OPCML: variants seen among roughly 807,000 people sequenced by gnomAD.
OPCML encodes the protein opioid-binding protein/cell adhesion molecule.
A neutral mutation model predicts 37.8 loss-of-function variants in OPCML; 13 were observed. The ratio of observed to expected loss-of-function variants is 0.34; its 90% CI spans 0.22 to 0.55. OPCML has a LOEUF of 0.55. OPCML is among the 20% of genes least tolerant of loss of function. The pLI is 0.91. For missense variants in OPCML, 341 were observed against 435.6 expected, an observed-to-expected ratio of 0.78 and a Z score of 1.93; for synonymous variants, 176 against 168.8, an observed-to-expected ratio of 1.04 and a Z score of -0.33.
At chr11:132,825,269 T>A (rs1353078659) in intron 2 of OPCML, among the ~76,000 whole-genome samples, 2 of 152,154 alleles carry the variant, frequency 1.3e-5, no homozygotes, top group Non-Finnish European at 2.9e-5. Context: ...AGAGTCTAAC[T>A]TCCTAACTAT....
chr11:132,532,843 C>T (rs2096329764), intron 3 of OPCML, among the ~76,000 whole-genome samples: 1 of 152,106 alleles, frequency 6.6e-6, no homozygotes, highest in African/African-American at 2.4e-5. Context: ...GGAAGGTATT[C>T]AATACTTTTA....
intron 1 of OPCML, among the ~76,000 whole-genome samples, chr11:133,052,100 T>A (rs1948142779): frequency 6.6e-6 from 1 of 152,196 alleles, no homozygotes. Flanking sequence ...AGGCAGTTTT[T>A]TTCCCCCTTT....
chr11:133,093,961 A>T (rs924870509), intron 1 of OPCML, among the ~76,000 whole-genome samples: 5 of 152,202 alleles, frequency 3.3e-5, no homozygotes, highest in African/African-American at 1.2e-4. Context: ...AAGTGGAAGG[A>T]TATGTCCGGT....
At chr11:133,194,616 C>G (rs1938462157) in intron 1 of OPCML, among the ~76,000 whole-genome samples, 1 of 152,164 alleles carries the variant, frequency 6.6e-6, no homozygotes, top group Non-Finnish European at 1.5e-5. Context: ...CCCCTGATAC[C>G]AAGCCCTTTC....
At chr11:133,354,205 G>A (rs374734130) in intron 1 of OPCML, among the ~76,000 whole-genome samples, 34 of 49,460 alleles carry the variant, frequency 6.9e-4, no homozygotes, top group East Asian at 4.1e-3. Context: ...CCGGTTGATG[G>A]TGGTGGTGAT....
Position 132,839,326 on chromosome 11 carries a change from G to T in OPCML, c.146+103600C>A, listed in dbSNP as rs546705362. 1.3e-3 allele frequency among the ~76,000 whole-genome samples: 202 copies of T among 152,272 alleles called. 1 individual carries two copies. The highest frequency in any genetic ancestry group is 5.0e-3 in the Admixed American group (77 of 15,304). On this transcript the variant is annotated intron_variant, in intron 2 of 7. Coordinates refer to ENST00000524381, the MANE Select transcript of OPCML (RefSeq NM_001012393.5). ...CGGCAGAGAGGAGCGACAGGGGAAC[G>T]CTAGAACCCTGACTTCATTGACTGG...
intron 1 of OPCML, among the ~76,000 whole-genome samples, chr11:132,948,346 G>C (rs1306896698): frequency 6.6e-6 from 1 of 152,218 alleles, no homozygotes; most frequent in East Asian, 1.9e-4. Context: ...ATAAATAGGG[G>C]AGGCAAGGTA....
At chr11:133,194,324 C>T (rs1938449894) in intron 1 of OPCML, among the ~76,000 whole-genome samples, 1 of 151,450 alleles carries the variant, frequency 6.6e-6, no homozygotes, top group Admixed American at 6.6e-5. Flanking sequence ...AATTCTCCTG[C>T]CTCAGCCTCC....
intron 1 of OPCML, chr11:133,008,533 C>T: frequency 1.5e-6 from 1 of 671,564 alleles, no homozygotes; most frequent in Non-Finnish European, 1.8e-6. Context: ...TGGAAGGCTC[C>T]CAGCTGAGCC....
chr11:133,371,734 C>G (rs1049034799), intron 1 of OPCML, among the ~76,000 whole-genome samples: 1 of 152,194 alleles, frequency 6.6e-6, no homozygotes, highest in Non-Finnish European at 1.5e-5. Context: ...ATAGATTACC[C>G]AGTATCAGGT....
intron 1 of OPCML, among the ~76,000 whole-genome samples, chr11:133,175,494 A>AAC (rs1950357547): frequency 6.6e-6 from 1 of 151,926 alleles, no homozygotes; most frequent in Admixed American, 6.6e-5. Context: ...GAAAAAAAAA[A>AAC]AAAACAGAAC....
At chr11:132,495,635 T>A (rs1265329632) in intron 4 of OPCML, among the ~76,000 whole-genome samples, 2 of 152,194 alleles carry the variant, frequency 1.3e-5, no homozygotes, top group African/African-American at 4.8e-5. Flanking sequence ...CTCATGCCTA[T>A]AATCCCAGCA....
intron 4 of OPCML, among the ~76,000 whole-genome samples, chr11:132,517,120 A>G (rs1300711229): frequency 2.0e-5 from 3 of 152,208 alleles, no homozygotes; most frequent in Non-Finnish European, 2.9e-5. Flanking sequence ...AGTTTAGAGC[A>G]GGGATTATGT....
At chr11:132,848,223 T>C (rs1591696642) in intron 2 of OPCML, among the ~76,000 whole-genome samples, 1 of 152,324 alleles carries the variant, frequency 6.6e-6, no homozygotes, top group Middle Eastern at 3.4e-3. Context: ...GAGCTTGTAC[T>C]TATGCCTGTA....
chr11:133,140,775 A>AGACGACGAT (rs1413192631), intron 1 of OPCML, among the ~76,000 whole-genome samples: 4 of 147,056 alleles, frequency 2.7e-5, no homozygotes, highest in African/African-American at 1.0e-4. Flanking sequence ...AAGAAGAAGA[A>AGACGACGAT]GAAGAAGACG....
intron 1 of OPCML, among the ~76,000 whole-genome samples, chr11:133,257,687 G>A (rs1158892747): frequency 1.3e-5 from 2 of 152,106 alleles, no homozygotes; most frequent in Admixed American, 1.3e-4. Context: ...TGTCTCCTCA[G>A]TGCCCAAAGA....
At chr11:132,890,314 G>T (rs1943590962) in intron 2 of OPCML, among the ~76,000 whole-genome samples, 1 of 152,080 alleles carries the variant, frequency 6.6e-6, no homozygotes, top group African/African-American at 2.4e-5. Context: ...CAGCTTCTGG[G>T]GGAGTCAAGT....
At chr11:132,554,237 T>C (rs188412352) in intron 3 of OPCML, among the ~76,000 whole-genome samples, 21 of 152,308 alleles carry the variant, frequency 1.4e-4, no homozygotes, top group Admixed American at 3.9e-4. Flanking sequence ...GCCATCAAAC[T>C]GTGTTTATAA....
chr11:132,681,188 G>C (rs879647297), intron 2 of OPCML, among the ~76,000 whole-genome samples: 5 of 152,178 alleles, frequency 3.3e-5, no homozygotes, highest in African/African-American at 4.8e-5. Context: ...AGGCAGAAAA[G>C]GGTGCGGTCC....
Sources: gnomAD v4.1 joint callset for allele counts (sites outside exome capture counted in the v4.1 genomes callset) on GRCh38, gnomAD v4.1.1 for gene constraint, MANE v1.5 for transcripts, NCBI Gene and HGNC (gene_info 2026-07-23, HGNC 2026-07-21) for gene names.